The following NPEPPS variants were observed in gnomAD, a reference collection of about 807,000 sequenced individuals.
NPEPPS encodes the protein puromycin-sensitive aminopeptidase.
In NPEPPS, 14 loss-of-function variants were observed where a neutral mutation model predicts 115.5. The ratio of observed to expected loss-of-function variants is 0.12; its 90% CI spans 0.08 to 0.19. The LOEUF is 0.19. Ranked by LOEUF, NPEPPS falls within the 10% of genes least tolerant of loss-of-function variation. The pLI, the probability that NPEPPS is intolerant of heterozygous loss-of-function variation, is 1.00. For synonymous variants in NPEPPS, 285 were observed against 390.6 expected (o/e 0.73, Z 3.19); for missense variants, 523 against 1,110.8 (o/e 0.47, Z 7.52).
intron 14 of NPEPPS, among the ~76,000 whole-genome samples, chr17:47,600,677 C>A (rs531788623): frequency 6.6e-6 from 1 of 152,282 alleles, no homozygotes; most frequent in Non-Finnish European, 1.5e-5. Flanking sequence ...AAAGTAGCTC[C>A]ATTTCCATGA....
chr17:47,612,155 CTTT>C (rs1315193529), intron 17 of NPEPPS, among the ~76,000 whole-genome samples: 2 of 152,022 alleles, frequency 1.3e-5, no homozygotes, highest in Non-Finnish European at 2.9e-5. Flanking sequence ...TAAGCCTGTC[CTTT>C]TCACACATAA....
In NPEPPS at chr17:47,591,723, C is replaced by G. The variant is rs1429246487; in HGVS notation, c.1261-233C>G. ...AGAACCATAGTGGCTTCTTTCCCAG[C>G]AGAACAAAGCCAGGACTGGAACCCA... On this transcript the variant is annotated intron_variant, in intron 10 of 22. Transcript: ENST00000322157. 3.5e-5 allele frequency: 14 copies of G among 396,982 alleles called. No homozygotes were observed. In the East Asian group the frequency reaches 5.4e-4, roughly 15 times the overall value. The allele number at this position is 396,982 out of a possible 1,614,324, so 24.6% of individuals were successfully genotyped here.
intron 19 of NPEPPS, among the ~76,000 whole-genome samples, chr17:47,615,073 C>CTTTTTTTTT (rs60829784): frequency 1.2e-3 from 153 of 122,462 alleles, no homozygotes; most frequent in African/African-American, 2.6e-3. Flanking sequence ...TACTTTCTTT[C>CTTTTTTTTT]TTTTTTTTTT....
At chr17:47,553,714 T>C (rs535739522) in intron 2 of NPEPPS, among the ~76,000 whole-genome samples, 13 of 151,784 alleles carry the variant, frequency 8.6e-5, no homozygotes, top group African/African-American at 2.9e-4. Flanking sequence ...ATTATAACAA[T>C]ATACTGTAAT....
At chr17:47,548,867 G>A (rs1229262762) in intron 2 of NPEPPS, among the ~76,000 whole-genome samples, 6 of 151,832 alleles carry the variant, frequency 4.0e-5, no homozygotes, top group Admixed American at 6.6e-5. Context: ...GAGCCACTGC[G>A]CCCGACCTGA....
intron 11 of NPEPPS, 44 bp downstream of exon 11, chr17:47,592,104 A>T (rs756444751): frequency 7.6e-6 from 9 of 1,187,580 alleles, no homozygotes; most frequent in Non-Finnish European, 7.3e-6. Flanking sequence ...TGGTGAAATC[A>T]TAAGAGTTTT....
intron 2 of NPEPPS, among the ~76,000 whole-genome samples, chr17:47,548,910 T>C (rs1485053330): frequency 2.0e-5 from 3 of 152,144 alleles, no homozygotes; most frequent in Admixed American, 1.3e-4. Context: ...AACCGAATGT[T>C]GCTAAGCTCA....
At chr17:47,572,178 G>C (rs1489533198) in intron 3 of NPEPPS, among the ~76,000 whole-genome samples, 3 of 152,184 alleles carry the variant, frequency 2.0e-5, no homozygotes, top group African/African-American at 7.2e-5. Context: ...ATTTTTGGAG[G>C]CTGAGGCAGG....
chr17:47,534,489 C>A (rs1364767814), intron 1 of NPEPPS, among the ~76,000 whole-genome samples: 3 of 152,180 alleles, frequency 2.0e-5, no homozygotes, highest in African/African-American at 7.2e-5. Flanking sequence ...GCTTTAGTTA[C>A]AAAATTTTAC....
chr17:47,588,033 A>G (rs1479427325), intron 9 of NPEPPS, among the ~76,000 whole-genome samples: 1 of 151,748 alleles, frequency 6.6e-6, no homozygotes, highest in Non-Finnish European at 1.5e-5. Context: ...GTACCTCTGC[A>G]ATTAAATAAC....
At chr17:47,586,502 G>A (rs752769443) in intron 8 of NPEPPS, 104 bp downstream of exon 8, 19 of 835,438 alleles carry the variant, frequency 2.3e-5, no homozygotes, top group Non-Finnish European at 3.4e-5. Flanking sequence ...ACGATATGGT[G>A]TAAATTTTTC....
chr17:47,531,969 A>G (rs951745142), intron 1 of NPEPPS, among the ~76,000 whole-genome samples: 22 of 152,074 alleles, frequency 1.4e-4, no homozygotes, highest in Admixed American at 1.0e-3. Flanking sequence ...CTCTGCCTCA[A>G]CCACCTGACT....
rs536593120 is a variant in NPEPPS at position 47,616,943 on chromosome 17, T to A, written c.2296-1407T>A. On this transcript the variant is annotated intron_variant, in intron 19 of 22. Coordinates refer to ENST00000322157, the MANE Select transcript of NPEPPS (RefSeq NM_006310.4). ...TCCAGACACTCTGGTCAGTGTTAAA[T>A]CTTAAGGGGTAGAAAAGATCAAAAG... Among the ~76,000 whole-genome samples, 3 of 151,908 alleles carry A rather than the reference T, an allele frequency of 2.0e-5. No individual in the cohort carries two copies. In the East Asian group the frequency reaches 5.8e-4, roughly 29 times the overall value.
chr17:47,594,153 A>T (rs2143884519), intron 12 of NPEPPS, among the ~76,000 whole-genome samples: 1 of 152,284 alleles, frequency 6.6e-6, no homozygotes, highest in African/African-American at 2.4e-5. Flanking sequence ...ACGCGGTCTC[A>T]AAAGAAAATA....
At chr17:47,586,320 A>ATG (rs1246453447) in intron 7 of NPEPPS, 45 bp from the exon 8 acceptor site, 1 of 1,143,078 alleles carries the variant, frequency 8.7e-7, no homozygotes, top group Non-Finnish European at 1.2e-6. Context: ...AAGAGTATAT[A>ATG]TATATATATA....
chr17:47,602,498 C>T (rs76131960), intron 15 of NPEPPS, among the ~76,000 whole-genome samples: 20 of 151,908 alleles, frequency 1.3e-4, no homozygotes, highest in African/African-American at 4.3e-4. Context: ...ATTAGCTAGT[C>T]GTGATGGTGT....
At chr17:47,612,237 GTAGA>G (rs1913915536) in intron 17 of NPEPPS, among the ~76,000 whole-genome samples, 3 of 152,166 alleles carry the variant, frequency 2.0e-5, no homozygotes, top group South Asian at 2.1e-4. Flanking sequence ...ATTCGTGACT[GTAGA>G]TAAAGTCAGC....
At chr17:47,566,498 G>GT (rs1440072028) in intron 2 of NPEPPS, among the ~76,000 whole-genome samples, 5 of 143,236 alleles carry the variant, frequency 3.5e-5, no homozygotes, top group Non-Finnish European at 6.1e-5. Flanking sequence ...ACAGCTGTAG[G>GT]TTTTTTGTTT....
chr17:47,524,816 T>G (rs182650459), intron 1 of NPEPPS, among the ~76,000 whole-genome samples: 299 of 151,070 alleles, frequency 2.0e-3, no homozygotes, highest in African/African-American at 6.8e-3. Context: ...TTTTTTTTTT[T>G]TTTTTTGTAG....
Sources: gnomAD v4.1 joint callset for allele counts (sites outside exome capture counted in the v4.1 genomes callset) on GRCh38, gnomAD v4.1.1 for gene constraint, MANE v1.5 for transcripts, NCBI Gene and HGNC (gene_info 2026-07-23, HGNC 2026-07-21) for gene names.